MCF2L2: variants seen among roughly 807,000 people sequenced by gnomAD.
MCF2L2 encodes the protein probable guanine nucleotide exchange factor MCF2L2.
In MCF2L2, 102 loss-of-function variants were observed where a neutral mutation model predicts 150.2. The observed-to-expected ratio is 0.68, with a 90% confidence interval of 0.58 to 0.80. MCF2L2 has a LOEUF of 0.80. MCF2L2 is among the 30% of genes least tolerant of loss of function. The pLI is 0.00. For synonymous variants in MCF2L2, 465 were observed against 491.3 expected, an observed-to-expected ratio of 0.95 and a Z score of 0.71; for missense variants, 1,256 against 1,372.8, an observed-to-expected ratio of 0.91 and a Z score of 1.34.
At chr3:183,412,984 TG>T (rs559368851) in intron 1 of MCF2L2, among the ~76,000 whole-genome samples, 42 of 152,362 alleles carry the variant, frequency 2.8e-4, no homozygotes, top group Admixed American at 2.5e-3. Flanking sequence ...GAGATGCTTA[TG>T]TGGGTTTTCC....
chr3:183,341,453 T>C, intron 4 of MCF2L2, 87 bp downstream of exon 4: 2 of 1,060,846 alleles, frequency 1.9e-6, no homozygotes, highest in East Asian at 5.1e-5. Flanking sequence ...ATAAAATAAT[T>C]GCCTTTTCCC....
At chr3:183,348,944 T>C (rs1731006975) in intron 3 of MCF2L2, among the ~76,000 whole-genome samples, 1 of 152,288 alleles carries the variant, frequency 6.6e-6, no homozygotes, top group East Asian at 1.9e-4. Context: ...CTCTCAGTAA[T>C]TCATAGAACA....
intron 1 of MCF2L2, among the ~76,000 whole-genome samples, chr3:183,401,624 CACT>C (rs955740111): frequency 6.6e-6 from 1 of 152,194 alleles, no homozygotes; most frequent in Non-Finnish European, 1.5e-5. Flanking sequence ...AGGCAACCAC[CACT>C]GTGACTTTTT....
chr3:183,306,818 C>A (rs1729122193), intron 10 of MCF2L2, among the ~76,000 whole-genome samples: 1 of 152,182 alleles, frequency 6.6e-6, no homozygotes, highest in South Asian at 2.1e-4. Context: ...GGTTCCATGC[C>A]TTCTTAGACA....
At chr3:183,375,749 CT>C (rs1296703197) in intron 3 of MCF2L2, 12 of 152,292 alleles carry the variant, frequency 7.9e-5, no homozygotes, top group Admixed American at 6.5e-4. Context: ...TGTATCAATT[CT>C]TTTTTATCCA....
intron 15 of MCF2L2, among the ~76,000 whole-genome samples, chr3:183,231,724 G>T (rs1190325503): frequency 2.0e-5 from 3 of 151,844 alleles, no homozygotes; most frequent in Admixed American, 2.0e-4. Context: ...CTCCCAAACT[G>T]CTGGGATTAT....
At chr3:183,268,645 G>A (rs1726394934) in intron 15 of MCF2L2, among the ~76,000 whole-genome samples, 1 of 152,170 alleles carries the variant, frequency 6.6e-6, no homozygotes, top group African/African-American at 2.4e-5. Flanking sequence ...ACCCTAGTGT[G>A]CTAGGTAATC....
At chr3:183,214,443 G>A (rs1255202512) in intron 22 of MCF2L2, among the ~76,000 whole-genome samples, 1 of 152,014 alleles carries the variant, frequency 6.6e-6, no homozygotes, top group Admixed American at 6.5e-5. Flanking sequence ...AACCCCATGG[G>A]GCTAAGTTTC....
At chr3:183,217,770 A>G (rs974519789) in intron 21 of MCF2L2, among the ~76,000 whole-genome samples, 1 of 152,174 alleles carries the variant, frequency 6.6e-6, no homozygotes, top group African/African-American at 2.4e-5. Context: ...AAAGATGCCA[A>G]AGAGATAAGC....
chr3:183,375,732 A>G (rs979901355), intron 3 of MCF2L2: 1 of 152,162 alleles, frequency 6.6e-6, no homozygotes, highest in African/African-American at 2.4e-5. Flanking sequence ...CCATTTTCCT[A>G]TTCTAGTGTA....
rs1165468820 is a variant in MCF2L2 at position 183,221,174 on chromosome 3, A to G, written c.2302-1250T>C. ...CTGAGCTGGTTTCACAGGCACCAGC[A>G]AGCTTAGCTGTGGGGACACTGCTCT... On this transcript the variant is annotated intron_variant, in intron 20 of 29. Coordinates refer to ENST00000328913, the MANE Select transcript of MCF2L2 (RefSeq NM_015078.4). 3.3e-5 allele frequency among the ~76,000 whole-genome samples: 5 copies of G among 152,322 alleles called. No individual in the cohort carries two copies. The East Asian group carries it at 9.6e-4, about 29-fold the overall frequency.
chr3:183,317,851 AC>A lies in MCF2L2; in HGVS notation c.753+216del, dbSNP rs1729662300. 6.6e-5 allele frequency among the ~76,000 whole-genome samples: 10 copies of A among 151,792 alleles called. 1 individual carries two copies. In the South Asian group the frequency reaches 1.9e-3, roughly 28 times the overall value. ...CCCAGTCTCAAAAGACTCACTCACCACCCAGTCTCAAGAGACTCACTCACCA... is the reference window on the plus strand; with the variant it reads ...CCCAGTCTCAAAAGACTCACTCACCACCAGTCTCAAGAGACTCACTCACCA... On this transcript the variant is annotated intron_variant, in intron 7 of 29. Transcript: ENST00000328913.
chr3:183,371,159 T>C (rs2108577167), intron 3 of MCF2L2, among the ~76,000 whole-genome samples: 2 of 152,190 alleles, frequency 1.3e-5, no homozygotes, highest in East Asian at 3.8e-4. Context: ...AAACAGTATT[T>C]TCCATTGCCT....
intron 15 of MCF2L2, among the ~76,000 whole-genome samples, chr3:183,255,760 G>T (rs182790983): frequency 8.6e-5 from 13 of 151,604 alleles, no homozygotes; most frequent in African/African-American, 3.2e-4. Flanking sequence ...CATTAAAATG[G>T]TGATCAGTTT....
intron 1 of MCF2L2, among the ~76,000 whole-genome samples, chr3:183,398,319 G>C (rs1714570392): frequency 6.6e-6 from 1 of 152,006 alleles, no homozygotes; most frequent in East Asian, 1.9e-4. Flanking sequence ...CCTCTCCCAG[G>C]CTGCAAGGTG....
intron 27 of MCF2L2, 188 bp downstream of exon 27, chr3:183,192,811 C>T: frequency 4.0e-6 from 2 of 495,242 alleles, no homozygotes; most frequent in Non-Finnish European, 7.2e-6. Flanking sequence ...TTAATTCTGC[C>T]CCATTAGCTC....
At chr3:183,410,729 CATA>C (rs1400800868) in intron 1 of MCF2L2, among the ~76,000 whole-genome samples, 2 of 152,214 alleles carry the variant, frequency 1.3e-5, no homozygotes, top group African/African-American at 4.8e-5. Flanking sequence ...AAGTTGAAAG[CATA>C]ATGCCAGTAC....
intron 3 of MCF2L2, among the ~76,000 whole-genome samples, chr3:183,365,563 C>T (rs1042295978): frequency 6.6e-6 from 1 of 152,136 alleles, no homozygotes; most frequent in Non-Finnish European, 1.5e-5. Context: ...AACTGAATAG[C>T]CATTTTGAGA....
At chr3:183,265,348 G>A (rs1257862784) in intron 15 of MCF2L2, 1 of 152,300 alleles carries the variant, frequency 6.6e-6, no homozygotes, top group Non-Finnish European at 1.5e-5. Context: ...CTGCGCATTC[G>A]GCATTGGGCT....
Sources: gnomAD v4.1 joint callset for allele counts (sites outside exome capture counted in the v4.1 genomes callset) on GRCh38, gnomAD v4.1.1 for gene constraint, MANE v1.5 for transcripts, NCBI Gene and HGNC (gene_info 2026-07-23, HGNC 2026-07-21) for gene names.